Variants in BARHL1 observed in about 807,000 individuals in gnomAD.
The protein encoded by BARHL1 is BarH like homeobox 1, also known as barH-like 1 homeobox protein.
A neutral mutation model predicts 20.1 loss-of-function variants in BARHL1; 2 were observed. The ratio of observed to expected loss-of-function variants is 0.10; its 90% CI spans 0.04 to 0.31. The LOEUF (loss-of-function observed/expected upper bound fraction) is 0.31. Among genes scored for constraint, BARHL1 ranks in the 10% least tolerant of loss-of-function variants. The pLI, the probability that BARHL1 is intolerant of heterozygous loss-of-function variation, is 1.00. For missense variants in BARHL1, 397 were observed against 454.0 expected (o/e 0.87, Z 1.14); for synonymous variants, 213 against 209.9 (o/e 1.01, Z -0.13).
At chr9:132,586,339 A>G (rs1830144428) in intron 1 of BARHL1, among the ~76,000 whole-genome samples, 2 of 152,240 alleles carry the variant, frequency 1.3e-5, no homozygotes, top group Admixed American at 1.3e-4. Context: ...TGAGCCGCCA[A>G]TTTTGGGGAA....
At position 132,589,538 on chromosome 9, in the gene BARHL1, C is replaced by T. The variant is rs1462943343; in HGVS notation, c.*16C>T. The T allele has an allele frequency of 1.6e-6, 2 of 1,285,678 alleles. No individual in the cohort carries two copies. Among genetic ancestry groups the T allele is most frequent in the African/African-American group, 3.1e-5 (2 of 64,312 alleles). 79.6% of individuals were successfully genotyped at this position (1,285,678 alleles called of 1,614,324 possible). On this transcript the variant is annotated 3_prime_UTR_variant, in exon 3 of 3. Coordinates refer to ENST00000263610, the MANE Select transcript of BARHL1 (RefSeq NM_020064.4). ...GCCTCGGTGAGGCGCCCGTCGGCTC[C>T]GGGGCCTCCTCCCGCGGGCTCGGCG...
chr9:132,582,999 G>T lies in BARHL1; in HGVS notation c.202G>T (p.Gly68Trp). 3.7e-6 allele frequency: 6 copies of T among 1,613,758 alleles called. No individual in the cohort carries two copies. The highest frequency in any genetic ancestry group is 5.1e-6 in the Non-Finnish European group (6 of 1,179,934). Residue 68 changes from glycine to tryptophan, a missense_variant, in exon 1 of 3, where the codon GGG becomes TGG. Coordinates refer to ENST00000263610, the MANE Select transcript of BARHL1 (RefSeq NM_020064.4). ...GGAGACGGGGACCCCACGGCCTGGC[G>T]GGGCATCCGGCCCAGGTTTGGACTC... ...CLETGTPRPGGASGPGLDSHL... is the reference protein window; with the variant it reads ...CLETGTPRPGWASGPGLDSHL...
chr9:132,583,941 C>A (rs1291645040), intron 1 of BARHL1, among the ~76,000 whole-genome samples: 1 of 152,230 alleles, frequency 6.6e-6, no homozygotes, highest in African/African-American at 2.4e-5. Flanking sequence ...GTGCCTTGAG[C>A]AACCAACTCC....
intron 1 of BARHL1, among the ~76,000 whole-genome samples, chr9:132,586,813 G>C (rs1318652196): frequency 6.6e-6 from 1 of 152,256 alleles, no homozygotes; most frequent in Admixed American, 6.5e-5. Context: ...TGAGGACAAA[G>C]AGTGATTCCG....
intron 2 of BARHL1, among the ~76,000 whole-genome samples, chr9:132,588,804 C>T (rs1032312575): frequency 6.7e-6 from 1 of 149,834 alleles, no homozygotes; most frequent in African/African-American, 2.4e-5. Flanking sequence ...AGCACCCCCC[C>T]ATCCCCTCAG....
Position 132,587,618 on chromosome 9 carries a change from G to C in BARHL1, c.689+67G>C. ...CCCTTTCCTCACAGCTCCTGGAGGG[G>C]ACCAGGAGTCTACAGGTTGGTGCTA... On this transcript the variant is annotated intron_variant, in intron 2 of 2. Transcript: ENST00000263610. This position sits in a 1 kb window ranked among gnomAD's most constrained non-coding sequence, Gnocchi z 5.5. 1.4e-6 allele frequency: 2 copies of C among 1,432,068 alleles called. No homozygotes were observed. Among genetic ancestry groups the C allele is most frequent in the Non-Finnish European group, 1.9e-6 (2 of 1,046,646 alleles). The allele number at this position is 1,432,068 out of a possible 1,614,324, so 88.7% of individuals were successfully genotyped here.
In BARHL1 at chr9:132,589,965, C is replaced by A; in HGVS notation, c.*443C>A. 6.1e-6 allele frequency: 1 copy of A among 163,558 alleles called. No homozygotes were observed. Among genetic ancestry groups the A allele is most frequent in the Non-Finnish European group, 1.3e-5 (1 of 75,852 alleles). 10.1% of individuals were successfully genotyped at this position (163,558 alleles called of 1,614,324 possible). ...CCAGGGAGAGAAGGGGAGTGCGGAG[C>A]CCCGTCTCCCTACCCCTCGAGCACC... On this transcript the variant is annotated 3_prime_UTR_variant, in exon 3 of 3. Coordinates refer to ENST00000263610, the MANE Select transcript of BARHL1 (RefSeq NM_020064.4).
intron 2 of BARHL1, 60 bp from the exon 3 acceptor site, chr9:132,589,168 G>A: frequency 6.5e-7 from 1 of 1,543,662 alleles, no homozygotes; most frequent in South Asian, 1.3e-5. Flanking sequence ...GTGGGGAGGG[G>A]CTGGGGTCGC....
chr9:132,585,728 C>T (rs1830136909), intron 1 of BARHL1, among the ~76,000 whole-genome samples: 1 of 152,178 alleles, frequency 6.6e-6, no homozygotes, highest in Non-Finnish European at 1.5e-5. Flanking sequence ...TCAAAGGCTC[C>T]AGTCCACGCT....
rs760640926 is a variant in BARHL1 at position 132,589,453 on chromosome 9, C to G, written c.915C>G (p.Gly305=). ...VPRILIHGLQ[G]ASEPPPPLPP... is the part of the protein sequence containing the mutation. ...GCATCCTCATCCACGGACTCCAGGG[C>G]GCCAGCGAGCCGCCCCCGCCGCTGC... Residue 305 remains glycine (G), a synonymous_variant, in exon 3 of 3, where the codon GGC becomes GGG. Coordinates refer to ENST00000263610, the MANE Select transcript of BARHL1 (RefSeq NM_020064.4). 6.5e-7 allele frequency: 1 copy of G among 1,536,636 alleles called. No homozygotes were observed. The highest frequency in any genetic ancestry group is 1.4e-5 in the African/African-American group (1 of 70,088).
Position 132,583,463 on chromosome 9 carries a change from T to C in BARHL1, c.466+200T>C, listed in dbSNP as rs1030690943. On this transcript the variant is annotated intron_variant, in intron 1 of 2. Transcript: ENST00000263610. ...GCAACAAAGAGTCTGGTGGAGACAGTGTGGGCAGGGGAGGGATACTGCGTG... is the reference window on the plus strand; with the variant it reads ...GCAACAAAGAGTCTGGTGGAGACAGCGTGGGCAGGGGAGGGATACTGCGTG... Among the ~76,000 whole-genome samples the C allele has an allele frequency of 2.6e-5, 4 of 152,114 alleles. No individual in the cohort carries two copies. In the East Asian group the frequency reaches 7.7e-4, roughly 29 times the overall value.
chr9:132,583,338 G>A, intron 1 of BARHL1, 75 bp downstream of exon 1: 8 of 1,324,776 alleles, frequency 6.0e-6, no homozygotes, highest in Non-Finnish European at 8.2e-6. Flanking sequence ...AATACACATG[G>A]CGGGACATGC....
At chr9:132,589,177 G>T in intron 2 of BARHL1, 51 bp from the exon 3 acceptor site, 1 of 1,545,770 alleles carries the variant, frequency 6.5e-7, no homozygotes, top group South Asian at 1.3e-5. Flanking sequence ...GGCTGGGGTC[G>T]CTGGATGCCC....
chr9:132,583,021 A>T lies in BARHL1; in HGVS notation c.224A>T (p.Asp75Val). ...RPGGASGPGL[D>V]SHLQPGQLSA... Reference sequence around the variant, plus strand: ...GGCGGGGCATCCGGCCCAGGTTTGGACTCCCACCTGCAGCCCGGGCAGCTC... The same window carrying T: ...GGCGGGGCATCCGGCCCAGGTTTGGTCTCCCACCTGCAGCCCGGGCAGCTC... The change falls in exon 1 of 3, where the codon GAC becomes GTC. Residue 75 changes from aspartate to valine, a missense_variant. Around this residue, in one of 3 missense-constraint regions of BARHL1, gnomAD observed 272 missense variants for 298.7 expected, o/e 0.91. Coordinates refer to ENST00000263610, the MANE Select transcript of BARHL1 (RefSeq NM_020064.4). 2 of 1,613,380 alleles carry T rather than the reference A, an allele frequency of 1.2e-6. No individual in the cohort carries two copies. Among genetic ancestry groups the T allele is most frequent in the Non-Finnish European group, 1.7e-6 (2 of 1,179,868 alleles).
At chr9:132,585,223 C>T (rs1307429282) in intron 1 of BARHL1, among the ~76,000 whole-genome samples, 2 of 152,194 alleles carry the variant, frequency 1.3e-5, no homozygotes, top group Non-Finnish European at 2.9e-5. Flanking sequence ...CCAGGTGTTG[C>T]TGCCTTTGCC....
intron 1 of BARHL1, among the ~76,000 whole-genome samples, chr9:132,584,698 C>T (rs986212959): frequency 1.4e-4 from 22 of 152,310 alleles, no homozygotes; most frequent in African/African-American, 5.1e-4. Context: ...CAGGCTGTGC[C>T]GACCATGCCT....
chr9:132,583,189 C>A lies in BARHL1; in HGVS notation c.392C>A (p.Ala131Asp), dbSNP rs149116109. 1.1e-5 allele frequency: 17 copies of A among 1,613,232 alleles called. No homozygotes were observed. In the African/African-American group the frequency reaches 2.1e-4, roughly 20 times the overall value. Reference sequence around the variant, plus strand: ...CCTGAGCCTGGGGGCCGCCTTGCGGCCAAGGCCGCGGAGGACTTTAGAGAC... The same window carrying A: ...CCTGAGCCTGGGGGCCGCCTTGCGGACAAGGCCGCGGAGGACTTTAGAGAC... The part of the protein sequence containing the change: ...AAPEPGGRLA[A>D]KAAEDFRDKL... The change falls in exon 1 of 3, where the codon GCC (alanine) becomes GAC (aspartate). Residue 131 changes from alanine to aspartate, a missense_variant. Ala to Asp is a moderately radical substitution (Grantham distance 126). Coordinates refer to ENST00000263610, the MANE Select transcript of BARHL1 (RefSeq NM_020064.4).
rs570580697 is a variant in BARHL1, at chr9:132,584,694, G to C, written c.466+1431G>C. ...TGGCCGAGCCTCCTTCAGCCAGGCT[G>C]TGCCGACCATGCCTGGAAAGTAGGC... On this transcript the variant is annotated intron_variant, in intron 1 of 2. Transcript: ENST00000263610. Among the ~76,000 whole-genome samples, 5 of 152,320 alleles carry C rather than the reference G, an allele frequency of 3.3e-5. No homozygotes were observed. In the East Asian group the frequency reaches 9.6e-4, roughly 29 times the overall value.
At chr9:132,584,403 T>C (rs960380852) in intron 1 of BARHL1, among the ~76,000 whole-genome samples, 8 of 152,160 alleles carry the variant, frequency 5.3e-5, no homozygotes, top group Admixed American at 3.9e-4. Context: ...AAGCACATAA[T>C]TGATTCCCAG....
Sources: allele counts gnomAD v4.1 joint callset (sites outside exome capture counted in the v4.1 genomes callset), GRCh38; gene constraint gnomAD v4.1.1; regional missense constraint gnomAD v4.1.1; non-coding constraint Gnocchi (gnomAD v3.1); transcripts MANE v1.5; gene names NCBI Gene and HGNC (gene_info 2026-07-23, HGNC 2026-07-21).